Variants in CDK14 observed in about 807,000 individuals in gnomAD.
CDK14 encodes the protein cyclin-dependent kinase 14.
In CDK14, 34 loss-of-function variants were observed where a neutral mutation model predicts 60.7. The observed-to-expected ratio is 0.56, with a 90% confidence interval of 0.43 to 0.75. CDK14 has a LOEUF of 0.75. CDK14 is among the 30% of genes least tolerant of loss of function. The pLI is 0.00. For missense variants in CDK14, 482 were observed against 564.1 expected, an observed-to-expected ratio of 0.85 and a Z score of 1.47; for synonymous variants, 197 against 203.7, an observed-to-expected ratio of 0.97 and a Z score of 0.28.
intron 10 of CDK14, among the ~76,000 whole-genome samples, chr7:91,022,861 A>C (rs2115883322): frequency 6.6e-6 from 1 of 152,210 alleles, no homozygotes; most frequent in Non-Finnish European, 1.5e-5. Context: ...TGCATGTAAG[A>C]AGAATTATTT....
At chr7:90,785,659 C>T (rs946769706) in intron 4 of CDK14, among the ~76,000 whole-genome samples, 8 of 151,722 alleles carry the variant, frequency 5.3e-5, no homozygotes, top group African/African-American at 7.3e-5. Flanking sequence ...TGGTGGTGGG[C>T]GCCTGTAGTC....
intron 2 of CDK14, among the ~76,000 whole-genome samples, chr7:90,647,829 C>G (rs1800504517): frequency 6.6e-6 from 1 of 151,988 alleles, no homozygotes; most frequent in African/African-American, 2.4e-5. Context: ...GCACTCCAGC[C>G]TGGACAACAG....
In CDK14 at chr7:91,035,159, C is replaced by T. The variant is rs192531513; in HGVS notation, c.1042-10738C>T. ...TATCAACCCACTTCTCCCTGTCTAC[C>T]CTCTAAGCTGTAATTGCAGCCACAT... On this transcript the variant is annotated intron_variant, in intron 10 of 14. Coordinates refer to ENST00000380050, the MANE Select transcript of CDK14 (RefSeq NM_001287135.2). 4.4e-3 allele frequency among the ~76,000 whole-genome samples: 672 copies of T among 152,238 alleles called. 2 individuals carry two copies. Among genetic ancestry groups the T allele is most frequent in the Non-Finnish European group, 7.0e-3 (479 of 68,014 alleles).
intron 6 of CDK14, among the ~76,000 whole-genome samples, chr7:90,864,544 T>C (rs1260657513): frequency 1.3e-5 from 2 of 152,132 alleles, no homozygotes; most frequent in East Asian, 1.9e-4. Context: ...AATGTACTTA[T>C]TCTGTCCCTC....
intron 2 of CDK14, chr7:90,710,701 C>T (rs963660993): frequency 4.3e-5 from 11 of 258,080 alleles, no homozygotes; most frequent in African/African-American, 1.8e-4. Context: ...TAATGGAGAA[C>T]CCCTGCATTC....
At chr7:90,878,296 C>T (rs1488837116) in intron 6 of CDK14, among the ~76,000 whole-genome samples, 2 of 152,012 alleles carry the variant, frequency 1.3e-5, no homozygotes, top group Admixed American at 1.3e-4. Context: ...GCACAGAGAC[C>T]CATTCTGATT....
intron 8 of CDK14, among the ~76,000 whole-genome samples, chr7:90,941,455 G>A (rs1477293755): frequency 1.3e-5 from 2 of 151,978 alleles, no homozygotes; most frequent in Non-Finnish European, 2.9e-5. Context: ...TAGTTTGTTT[G>A]TCTGTCTGTT....
At chr7:90,645,231 A>T (rs1800438603) in intron 2 of CDK14, among the ~76,000 whole-genome samples, 1 of 152,212 alleles carries the variant, frequency 6.6e-6, no homozygotes, top group Non-Finnish European at 1.5e-5. Flanking sequence ...TTGGCCACTC[A>T]TAAATACATC....
chr7:90,842,821 A>C (rs1486932028), intron 5 of CDK14, among the ~76,000 whole-genome samples: 2 of 152,164 alleles, frequency 1.3e-5, no homozygotes, highest in African/African-American at 4.8e-5. Context: ...AATTTGTAAA[A>C]TTTATTAATC....
chr7:90,763,013 T>A (rs1274235575), intron 4 of CDK14, among the ~76,000 whole-genome samples: 1 of 152,132 alleles, frequency 6.6e-6, no homozygotes, highest in Admixed American at 6.6e-5. Flanking sequence ...CCGTGTTAAT[T>A]TCAGACAAAG....
rs1802975709 is a variant in CDK14, at chr7:91,208,655, G to C, written c.*1519G>C. 6.6e-6 allele frequency: 1 copy of C among 152,244 alleles called. No individual in the cohort carries two copies. The allele number at this position is 152,244 out of a possible 1,614,324, so 9.4% of individuals were successfully genotyped here. On this transcript the variant is annotated 3_prime_UTR_variant, in exon 15 of 15. Transcript: ENST00000380050. ...AAGACTAGGAATTAGGAGCCAGGTT[G>C]ACAAGGACTTTTTCTGAGAGTTGGG...
intron 5 of CDK14, among the ~76,000 whole-genome samples, chr7:90,852,340 A>C (rs1341839905): frequency 6.6e-6 from 1 of 152,250 alleles, no homozygotes; most frequent in Non-Finnish European, 1.5e-5. Flanking sequence ...AACTTTGCAT[A>C]AACCATTTTA....
At chr7:90,711,884 G>T (rs77122958) in intron 2 of CDK14, among the ~76,000 whole-genome samples, 3,056 of 133,302 alleles carry the variant, frequency 0.023, 165 homozygotes, top group African/African-American at 0.051. Flanking sequence ...AGTCTACTAT[G>T]TTTTTTTTTT....
At chr7:90,643,029 A>G (rs17869624) in intron 2 of CDK14, among the ~76,000 whole-genome samples, 4 of 152,342 alleles carry the variant, frequency 2.6e-5, no homozygotes, top group African/African-American at 9.6e-5. Context: ...AAATAATTAC[A>G]GTAGGTAACA....
intron 4 of CDK14, among the ~76,000 whole-genome samples, chr7:90,750,881 G>GA (rs912624933): frequency 7.4e-5 from 11 of 148,792 alleles, no homozygotes; most frequent in East Asian, 2.0e-4. Flanking sequence ...CAAAAAAAAA[G>GA]AAAAAAAAAG....
intron 14 of CDK14, among the ~76,000 whole-genome samples, chr7:91,136,849 A>G (rs1800293449): frequency 1.3e-5 from 2 of 152,254 alleles, no homozygotes; most frequent in Admixed American, 6.5e-5. Context: ...CTAAAAGACA[A>G]GAAAATGTCC....
At chr7:91,076,320 G>A (rs1451606950) in intron 11 of CDK14, among the ~76,000 whole-genome samples, 1 of 136,628 alleles carries the variant, frequency 7.3e-6, no homozygotes, top group African/African-American at 2.7e-5. Flanking sequence ...CAATGGAATG[G>A]AACAGAAACC....
chr7:90,711,359 CTT>C (rs199696056), intron 2 of CDK14, among the ~76,000 whole-genome samples: 1 of 150,404 alleles, frequency 6.6e-6, no homozygotes, highest in African/African-American at 2.4e-5. Context: ...ATTTACCTCT[CTT>C]TTTTTTTAAA....
rs1324510915 is a variant in CDK14, at chr7:91,089,758, G to T, written c.1154+10278G>T. On this transcript the variant is annotated intron_variant, in intron 12 of 14. Transcript: ENST00000380050. ...GATGATGAATATTTTTTATGAATTG[G>T]CTCAGCCTACCTTGGAGGCTACTTA... 5.3e-5 allele frequency among the ~76,000 whole-genome samples: 8 copies of T among 152,224 alleles called. No homozygotes were observed. The East Asian group carries it at 1.2e-3, about 22-fold the overall frequency.
Sources: allele counts gnomAD v4.1 joint callset (sites outside exome capture counted in the v4.1 genomes callset), GRCh38; gene constraint gnomAD v4.1.1; transcripts MANE v1.5; gene names NCBI Gene and HGNC (gene_info 2026-07-23, HGNC 2026-07-21).